THAP6: variants seen among roughly 807,000 people sequenced by gnomAD.
THAP6 encodes THAP domain-containing protein 6.
THAP6 carries 13 observed loss-of-function variants against 20.0 expected under a neutral mutation model. The observed-to-expected ratio is 0.65, with a 90% CI of 0.42 to 1.03. The LOEUF is 1.03. Among genes scored for constraint, THAP6 ranks in the 50% least tolerant of loss-of-function variants. The pLI is 0.00. For synonymous variants in THAP6, 93 were observed against 92.2 expected (o/e 1.01, Z -0.05); for missense variants, 262 against 261.6 (o/e 1.00, Z -0.01).
Position 75,528,843 on chromosome 4 carries a change from G to C in THAP6, c.*1629G>C. On this transcript the variant is annotated 3_prime_UTR_variant, in exon 5 of 5. Transcript: ENST00000311638. ...GCAGGCAGATCACTTGAGGTCAGGGGTTCAAAACCAGCCTGGCCAAGATGG... is the reference window on the plus strand; with the variant it reads ...GCAGGCAGATCACTTGAGGTCAGGGCTTCAAAACCAGCCTGGCCAAGATGG... 1 of 883,596 alleles carries C rather than the reference G, an allele frequency of 1.1e-6. No individual in the cohort carries two copies. Among genetic ancestry groups the C allele is most frequent in the Non-Finnish European group, 1.4e-6 (1 of 737,576 alleles). 54.7% of individuals were successfully genotyped at this position (883,596 alleles called of 1,614,324 possible).
chr4:75,515,585 A>G, intron 2 of THAP6, 53 bp downstream of exon 2: 3 of 1,572,704 alleles, frequency 1.9e-6, no homozygotes, highest in Non-Finnish European at 2.6e-6. Context: ...ATAAAAAGCA[A>G]AAGACAGTTC....
chr4:75,541,643 A>T (rs552858986), intron 2 of THAP6, among the ~76,000 whole-genome samples: 2 of 152,274 alleles, frequency 1.3e-5, no homozygotes, highest in African/African-American at 4.8e-5. Context: ...GAAAATTATA[A>T]TAACAGCATT....
intron 4 of THAP6, among the ~76,000 whole-genome samples, chr4:75,524,947 C>T (rs2148818171): frequency 6.6e-6 from 1 of 151,998 alleles, no homozygotes; most frequent in Admixed American, 6.6e-5. Flanking sequence ...TTGTAGAGAC[C>T]AGATTTCTCC....
rs943688035 is a variant in THAP6, at chr4:75,529,915, T to C, written c.*2701T>C. The C allele has an allele frequency of 1.1e-6, 1 of 910,948 alleles. No individual in the cohort carries two copies. 56.4% of individuals were successfully genotyped at this position (910,948 alleles called of 1,614,324 possible). On this transcript the variant is annotated 3_prime_UTR_variant, in exon 5 of 5. Transcript: ENST00000311638. The stretch of plus-strand genomic sequence containing the variant: ...GTCTGTAATTTGAGAAAAGGTGAAA[T>C]GTATTTAATATATATTTAGTTTTAA...
At chr4:75,519,312 T>G (rs1725859191) in intron 3 of THAP6, among the ~76,000 whole-genome samples, 1 of 150,284 alleles carries the variant, frequency 6.7e-6, no homozygotes, top group South Asian at 2.1e-4. Flanking sequence ...GCTCTGAACA[T>G]TTTGGGGCAC....
intron 3 of THAP6, among the ~76,000 whole-genome samples, chr4:75,546,029 C>T (rs556378869): frequency 9.2e-5 from 14 of 152,238 alleles, no homozygotes; most frequent in African/African-American, 3.1e-4. Context: ...GGTTTTTTTC[C>T]TTCTCAGGCT....
At chr4:75,537,390 C>T (rs1239544811) in intron 2 of THAP6, among the ~76,000 whole-genome samples, 3 of 152,086 alleles carry the variant, frequency 2.0e-5, no homozygotes, top group Non-Finnish European at 4.4e-5. Flanking sequence ...AGAGCGGTTT[C>T]CCCCATACTG....
chr4:75,527,940 T>C lies in THAP6; in HGVS notation c.*726T>C. ...CTGATTTTTAAATGGTTGGTTGCTC[T>C]GACAGATCTGAACACTTTGCTTCAT... On this transcript the variant is annotated 3_prime_UTR_variant, in exon 5 of 5. Coordinates refer to ENST00000311638, the MANE Select transcript of THAP6 (RefSeq NM_144721.6). 1 of 985,452 alleles carries C rather than the reference T, an allele frequency of 1.0e-6. No homozygotes were observed. Among genetic ancestry groups the C allele is most frequent in the Non-Finnish European group, 1.2e-6 (1 of 829,908 alleles). The allele number at this position is 985,452 out of a possible 1,614,324, so 61.0% of individuals were successfully genotyped here. A position where few individuals can be genotyped will look rare whatever the true frequency, so the allele number is the denominator to read the frequency against.
downstream of THAP6, among the ~76,000 whole-genome samples, chr4:75,532,811 T>C (rs1006983031): frequency 1.6e-4 from 25 of 152,182 alleles, no homozygotes; most frequent in Admixed American, 7.2e-4. Context: ...CTTTCAGCCA[T>C]GGCTGGAGTG....
Position 75,541,955 on chromosome 4 carries a change from C to CA in THAP6, c.166-439dup, listed in dbSNP as rs61213735. 4.8e-3 allele frequency among the ~76,000 whole-genome samples: 492 copies of CA among 102,272 alleles called. 3 individuals are homozygous for CA. The highest frequency in any genetic ancestry group is 6.2e-3 in the Non-Finnish European group (301 of 48,266). The allele number at this position is 102,272 out of a possible 152,430, so 67.1% of individuals were successfully genotyped here. On this transcript the variant is annotated intron_variant, in intron 2 of 4. Transcript: ENST00000502620. ...CTGGGCAACAGAGCAAGACTGTCTCCAAAAAAAAAAAAAAAGAAAATCAAA... is the reference window on the plus strand; with the variant it reads ...CTGGGCAACAGAGCAAGACTGTCTCCAAAAAAAAAAAAAAAAGAAAATCAAA...
chr4:75,537,526 G>A (rs1370218012), intron 2 of THAP6, among the ~76,000 whole-genome samples: 1 of 151,936 alleles, frequency 6.6e-6, no homozygotes, highest in Non-Finnish European at 1.5e-5. Flanking sequence ...TCTTCTCCTT[G>A]CATTCTGCCA....
Position 75,528,006 on chromosome 4 carries a change from G to A in THAP6, c.*792G>A. On this transcript the variant is annotated 3_prime_UTR_variant, in exon 5 of 5. Coordinates refer to ENST00000311638, the MANE Select transcript of THAP6 (RefSeq NM_144721.6). ...AAGGTATATGTTTAAAATCTGAATG[G>A]CAGTACTAGCTCTATACTTTTAATA... The A allele has an allele frequency of 2.0e-6, 2 of 985,226 alleles. No homozygotes were observed. The highest frequency in any genetic ancestry group is 2.4e-6 in the Non-Finnish European group (2 of 829,810). The allele number at this position is 985,226 out of a possible 1,614,324, so 61.0% of individuals were successfully genotyped here.
chr4:75,521,847 T>C lies in THAP6; in HGVS notation c.400T>C (p.Ser134Pro). The C allele has an allele frequency of 1.2e-6, 2 of 1,613,486 alleles. No individual in the cohort carries two copies. The highest frequency in any genetic ancestry group is 1.7e-6 in the Non-Finnish European group (2 of 1,179,598). ...TTCCTCATGTATTGAAGAATTCCAA[T>C]CCCAGTTCATTTTTGTAAGTAAATT... ...GASSCIEEFQ[S>P]QFIFEHSYSV... The change falls in exon 4 of 5, where the codon TCC becomes CCC. Residue 134 changes from serine (S) to proline (P), a missense_variant. Ser to Pro is a moderately conservative substitution (Grantham distance 74). Coordinates refer to ENST00000311638, the MANE Select transcript of THAP6 (RefSeq NM_144721.6).
upstream of THAP6, chr4:75,514,033 C>T (rs1725257016): frequency 1.8e-6 from 2 of 1,130,348 alleles, no homozygotes; most frequent in Non-Finnish European, 2.4e-6. Flanking sequence ...GGCTTATCGC[C>T]TTGCCAAAAA....
At chr4:75,516,042 A>G (rs1725594795) in intron 2 of THAP6, among the ~76,000 whole-genome samples, 1 of 152,252 alleles carries the variant, frequency 6.6e-6, no homozygotes, top group African/African-American at 2.4e-5. Flanking sequence ...GTGAAGGAGT[A>G]ATAAGATTTA....
In THAP6 at chr4:75,529,850, A is replaced by G. The variant is rs1726615367; in HGVS notation, c.*2636A>G. 1.0e-6 allele frequency: 1 copy of G among 985,408 alleles called. No individual in the cohort carries two copies. The highest frequency in any genetic ancestry group is 1.7e-5 in the African/African-American group (1 of 57,368). 61.0% of individuals were successfully genotyped at this position (985,408 alleles called of 1,614,324 possible). A position where few individuals can be genotyped will look rare whatever the true frequency, so the allele number is the denominator to read the frequency against. The stretch of plus-strand genomic sequence containing the variant: ...CTATATCAAGTTTAAATTTCTGGAA[A>G]TAGACTTTGGTTGCTAATGACAATT... On this transcript the variant is annotated 3_prime_UTR_variant, in exon 5 of 5. Coordinates refer to ENST00000311638, the MANE Select transcript of THAP6 (RefSeq NM_144721.6).
At chr4:75,543,437 C>G (rs766285150) in intron 3 of THAP6, among the ~76,000 whole-genome samples, 29 of 152,138 alleles carry the variant, frequency 1.9e-4, no homozygotes, top group Non-Finnish European at 3.1e-4. Flanking sequence ...ATCAAGCAGC[C>G]TCTCCCTTCA....
At chr4:75,514,053 CAAG>C, upstream of THAP6, 2 of 1,329,806 alleles carry the variant, frequency 1.5e-6, no homozygotes, top group East Asian at 2.5e-5. Flanking sequence ...ACGTTCTCCT[CAAG>C]AAGAACCCAG....
chr4:75,540,687 C>T (rs1036142628), intron 2 of THAP6, among the ~76,000 whole-genome samples: 1 of 152,112 alleles, frequency 6.6e-6, no homozygotes, highest in African/African-American at 2.4e-5. Flanking sequence ...TGATTAGTAC[C>T]TTATGGAGAC....
Sources: allele counts gnomAD v4.1 joint callset (sites outside exome capture counted in the v4.1 genomes callset), GRCh38; gene constraint gnomAD v4.1.1; transcripts MANE v1.5; gene names NCBI Gene and HGNC (gene_info 2026-07-23, HGNC 2026-07-21).